UBE2W: variants seen among roughly 807,000 people sequenced by gnomAD.
UBE2W encodes ubiquitin conjugating enzyme E2 W, also known as ubiquitin-conjugating enzyme E2 W.
Under a neutral mutation model 27.2 loss-of-function variants are expected in UBE2W, and 18 were observed. The ratio of observed to expected loss-of-function variants is 0.66; its 90% CI spans 0.46 to 0.98. The LOEUF (loss-of-function observed/expected upper bound fraction) is 0.98. Ranked by LOEUF, UBE2W falls within the 50% of genes least tolerant of loss-of-function variation. The probability of loss-of-function intolerance (pLI) is 0.00; values close to 1 mark genes in which losing one functional copy is unlikely to be tolerated. For synonymous variants in UBE2W, 53 were observed against 57.2 expected (o/e 0.93, Z 0.33); for missense variants, 90 against 180.2 (o/e 0.50, Z 2.87).
At chr8:73,809,123 C>T (rs551882882) in intron 4 of UBE2W, among the ~76,000 whole-genome samples, 5 of 151,914 alleles carry the variant, frequency 3.3e-5, no homozygotes, top group Admixed American at 6.6e-5. Context: ...AAGTTTAAAA[C>T]GTGTGTGTGT....
Position 73,854,073 on chromosome 8 carries a change from T to C in UBE2W, c.16-23601A>G, listed in dbSNP as rs1811187372. ...CTGAGGAGGGAGGATCACTTGAGCC[T>C]GAGAGGTCAAAGCTGTAGTGAACCC... On this transcript the variant is annotated intron_variant, in intron 1 of 5. Transcript: ENST00000602593. Among the ~76,000 whole-genome samples the C allele has an allele frequency of 2.0e-5, 3 of 152,006 alleles. No homozygotes were observed. In the South Asian group the frequency reaches 6.2e-4, roughly 32 times the overall value.
intron 1 of UBE2W, among the ~76,000 whole-genome samples, chr8:73,858,807 T>C (rs1219669051): frequency 2.6e-5 from 4 of 152,204 alleles, no homozygotes; most frequent in Middle Eastern, 3.4e-3. Context: ...CTTGTACTTA[T>C]TTTCATCACG....
At position 73,790,720 on chromosome 8, in the gene UBE2W, G is replaced by A; in HGVS notation, c.*3382C>T. On this transcript the variant is annotated 3_prime_UTR_variant, in exon 6 of 6. Transcript: ENST00000602593. Reference sequence around the variant, plus strand: ...AACAAGTTTTAAATATCTCAATTCTGAAAAACAATAGGCTTTTAAAAAATA... The same window carrying A: ...AACAAGTTTTAAATATCTCAATTCTAAAAAACAATAGGCTTTTAAAAAATA... The A allele has an allele frequency of 1.0e-5, 10 of 975,932 alleles. No individual in the cohort carries two copies. The highest frequency in any genetic ancestry group is 1.2e-5 in the Non-Finnish European group (10 of 821,450). The allele number at this position is 975,932 out of a possible 1,614,324, so 60.5% of individuals were successfully genotyped here. A position where few individuals can be genotyped will look rare whatever the true frequency, so the allele number is the denominator to read the frequency against.
Position 73,791,443 on chromosome 8 carries a change from C to T in UBE2W, c.*2659G>A. 2 of 985,148 alleles carry T rather than the reference C, an allele frequency of 2.0e-6. No individual in the cohort carries two copies. The highest frequency in any genetic ancestry group is 4.7e-5 in the South Asian group (1 of 21,276). 61.0% of individuals were successfully genotyped at this position (985,148 alleles called of 1,614,324 possible). On this transcript the variant is annotated 3_prime_UTR_variant, in exon 6 of 6. Coordinates refer to ENST00000602593, the MANE Select transcript of UBE2W (RefSeq NM_018299.6). ...ATCTTCTAAGTATGAAAGTCTAATT[C>T]TGTAGGCCTATGTCGCAAATAGTGC...
intron 5 of UBE2W, among the ~76,000 whole-genome samples, 179 bp downstream of exon 5, chr8:73,805,472 C>CAAAAAAAAAAAACAAAACAAAACAAA: frequency 6.9e-5 from 3 of 43,676 alleles, no homozygotes; most frequent in Non-Finnish European, 1.5e-4. Flanking sequence ...AAAAAAAAAA[C>CAAAAAAAAAAAACAAAACAAAACAAA]AAAAAAAACT....
At chr8:73,872,216 T>C (rs554653186) in intron 1 of UBE2W, among the ~76,000 whole-genome samples, 1 of 152,330 alleles carries the variant, frequency 6.6e-6, no homozygotes, top group African/African-American at 2.4e-5. Flanking sequence ...AAAAATACTT[T>C]CCCTCTATCC....
At chr8:73,814,093 G>A (rs553471039) in intron 3 of UBE2W, among the ~76,000 whole-genome samples, 1 of 152,072 alleles carries the variant, frequency 6.6e-6, no homozygotes, top group Non-Finnish European at 1.5e-5. Context: ...AAGTAACCAA[G>A]GCAGAATTTC....
At chr8:73,810,227 C>T (rs1809099132) in intron 4 of UBE2W, among the ~76,000 whole-genome samples, 1 of 152,200 alleles carries the variant, frequency 6.6e-6, no homozygotes, top group Non-Finnish European at 1.5e-5. Flanking sequence ...AAATACCGTA[C>T]ATTTCCTGTT....
chr8:73,870,256 AAC>A (rs1257563038), intron 1 of UBE2W: 4 of 1,584,924 alleles, frequency 2.5e-6, no homozygotes, highest in Non-Finnish European at 1.7e-6. Flanking sequence ...TTGGCAAAAA[AAC>A]ACACACTTAC....
rs1476260559 is a variant in UBE2W at position 73,787,788 on chromosome 8, T to C, written c.*6314A>G. On this transcript the variant is annotated 3_prime_UTR_variant, in exon 6 of 6. Coordinates refer to ENST00000602593, the MANE Select transcript of UBE2W (RefSeq NM_018299.6). ...GAAGTTCTTAGAGTATGCCCTTAATTGTACAACTTGAAGTTCAGGAACATC... is the reference window on the plus strand; with the variant it reads ...GAAGTTCTTAGAGTATGCCCTTAATCGTACAACTTGAAGTTCAGGAACATC... 1 of 985,334 alleles carries C rather than the reference T, an allele frequency of 1.0e-6. No homozygotes were observed. Among genetic ancestry groups the C allele is most frequent in the East Asian group, 1.1e-4 (1 of 8,830 alleles). 61.0% of individuals were successfully genotyped at this position (985,334 alleles called of 1,614,324 possible). A position where few individuals can be genotyped will look rare whatever the true frequency, so the allele number is the denominator to read the frequency against.
chr8:73,856,295 C>T (rs1179736362), intron 1 of UBE2W, among the ~76,000 whole-genome samples: 1 of 151,982 alleles, frequency 6.6e-6, no homozygotes, highest in African/African-American at 2.4e-5. Context: ...AACAACTCCC[C>T]CCTCCCCACT....
intron 2 of UBE2W, among the ~76,000 whole-genome samples, chr8:73,830,122 C>T (rs1278605671): frequency 6.6e-6 from 1 of 151,692 alleles, no homozygotes; most frequent in Non-Finnish European, 1.5e-5. Flanking sequence ...AAAGTCAGTG[C>T]TACTCAGTTA....
intron 1 of UBE2W, among the ~76,000 whole-genome samples, chr8:73,847,167 T>C (rs1339064473): frequency 6.6e-6 from 1 of 151,984 alleles, no homozygotes; most frequent in East Asian, 1.9e-4. Context: ...AGACTCTGTC[T>C]CAAAAAACAA....
At chr8:73,828,622 G>C (rs959016569) in intron 2 of UBE2W, among the ~76,000 whole-genome samples, 3 of 151,890 alleles carry the variant, frequency 2.0e-5, no homozygotes, top group African/African-American at 7.3e-5. Flanking sequence ...ATTTCTTCCA[G>C]AAAATTAAAA....
At chr8:73,786,175 G>C (rs1807947544), downstream of UBE2W, 2 of 968,828 alleles carry the variant, frequency 2.1e-6, no homozygotes, top group South Asian at 9.6e-5. Flanking sequence ...ATTTGCCTCA[G>C]AGATAAAGAT....
chr8:73,844,571 C>A (rs186075926), intron 1 of UBE2W, among the ~76,000 whole-genome samples: 1,590 of 152,258 alleles, frequency 0.01, 37 homozygotes, highest in African/African-American at 0.036. Context: ...GCCGCCACCC[C>A]GTCTAGGAAG....
chr8:73,826,872 G>A (rs1199598948), intron 2 of UBE2W, among the ~76,000 whole-genome samples: 1 of 152,162 alleles, frequency 6.6e-6, no homozygotes, highest in Non-Finnish European at 1.5e-5. Flanking sequence ...TCCTGACTCA[G>A]TCAATACATG....
chr8:73,787,191 A>T lies in UBE2W; in HGVS notation c.*6911T>A, dbSNP rs974715995. On this transcript the variant is annotated 3_prime_UTR_variant, in exon 6 of 6. Transcript: ENST00000602593. ...AAAAAAATGGTTGAAAGGGGCTCCC[A>T]ACAGGACAGATAACCACAGTGGCTT... is the stretch of plus-strand genomic sequence containing the variant. The T allele has an allele frequency of 4.5e-5, 44 of 985,364 alleles. No individual in the cohort carries two copies. The highest frequency in any genetic ancestry group is 5.1e-5 in the Non-Finnish European group (42 of 829,940). 61.0% of individuals were successfully genotyped at this position (985,364 alleles called of 1,614,324 possible).
chr8:73,878,781 C>T (rs1355646046), intron 1 of UBE2W, 27 bp downstream of exon 1: 2 of 1,539,292 alleles, frequency 1.3e-6, no homozygotes, highest in Admixed American at 2.0e-5. Context: ...CTCCCTGGCC[C>T]GCCCAGATGC....
Sources: gnomAD v4.1 joint callset for allele counts (sites outside exome capture counted in the v4.1 genomes callset) on GRCh38, gnomAD v4.1.1 for gene constraint, MANE v1.5 for transcripts, NCBI Gene and HGNC (gene_info 2026-07-23, HGNC 2026-07-21) for gene names.